The following CCSER1 variants were observed in gnomAD, a reference collection of about 807,000 sequenced individuals.
The protein encoded by CCSER1 is serine-rich coiled-coil domain-containing protein 1.
Under a neutral mutation model 82.0 loss-of-function variants are expected in CCSER1, and 41 were observed. The observed-to-expected ratio is 0.50, with a 90% confidence interval of 0.39 to 0.65. The LOEUF (loss-of-function observed/expected upper bound fraction) is 0.65. Ranked by LOEUF, CCSER1 falls within the 30% of genes least tolerant of loss-of-function variation. CCSER1 has a pLI of 0.00. For missense variants in CCSER1, 1,119 were observed against 1,064.2 expected, an observed-to-expected ratio of 1.05 and a Z score of -0.72; for synonymous variants, 414 against 383.9, an observed-to-expected ratio of 1.08 and a Z score of -0.92.
intron 5 of CCSER1, among the ~76,000 whole-genome samples, chr4:90,531,907 A>G (rs1405837235): frequency 2.0e-5 from 3 of 152,180 alleles, no homozygotes; most frequent in Non-Finnish European, 4.4e-5. Context: ...AACAGTTTGT[A>G]TCAAATGATT....
intron 9 of CCSER1, among the ~76,000 whole-genome samples, chr4:91,019,193 A>C (rs1307756473): frequency 6.6e-6 from 1 of 151,838 alleles, no homozygotes; most frequent in Non-Finnish European, 1.5e-5. Context: ...TCTCATTTTT[A>C]GAACAAGTTA....
At chr4:90,137,482 C>T (rs1023117092) in intron 1 of CCSER1, among the ~76,000 whole-genome samples, 1 of 152,118 alleles carries the variant, frequency 6.6e-6, no homozygotes, top group African/African-American at 2.4e-5. Flanking sequence ...AGAGTGGTAA[C>T]TATCCAGTGA....
intron 10 of CCSER1, among the ~76,000 whole-genome samples, chr4:91,517,669 CA>C (rs1279029144): frequency 2.9e-5 from 3 of 104,262 alleles, no homozygotes; most frequent in African/African-American, 1.2e-4. Context: ...GAAACTAGTG[CA>C]TTCATTTGGA....
chr4:90,315,662 C>CA (rs1736046448), intron 3 of CCSER1, among the ~76,000 whole-genome samples: 1 of 152,022 alleles, frequency 6.6e-6, no homozygotes, highest in Non-Finnish European at 1.5e-5. Flanking sequence ...TGCCACCATG[C>CA]CTGCCTAATT....
intron 1 of CCSER1, among the ~76,000 whole-genome samples, chr4:90,198,245 C>A (rs1294919471): frequency 6.6e-6 from 1 of 151,954 alleles, no homozygotes; most frequent in African/African-American, 2.4e-5. Flanking sequence ...AAGTTCCTTT[C>A]TTTTTCTAAT....
intron 6 of CCSER1, among the ~76,000 whole-genome samples, chr4:90,652,458 T>G (rs959522654): frequency 6.6e-6 from 1 of 152,150 alleles, no homozygotes; most frequent in Non-Finnish European, 1.5e-5. Flanking sequence ...AGTGGTCTGT[T>G]TGCATGTGTT....
At chr4:91,040,290 T>A (rs1741850005) in intron 9 of CCSER1, among the ~76,000 whole-genome samples, 1 of 152,204 alleles carries the variant, frequency 6.6e-6, no homozygotes, top group Admixed American at 6.5e-5. Context: ...CCCTTTAATT[T>A]AAAAATGTGA....
chr4:90,874,246 G>C (rs2150043717), intron 8 of CCSER1, among the ~76,000 whole-genome samples: 1 of 152,128 alleles, frequency 6.6e-6, no homozygotes, highest in East Asian at 1.9e-4. Context: ...ATTTTCTTAT[G>C]GTATGATTTC....
intron 10 of CCSER1, among the ~76,000 whole-genome samples, chr4:91,521,538 T>C (rs1578685709): frequency 6.6e-6 from 1 of 152,114 alleles, no homozygotes; most frequent in Non-Finnish European, 1.5e-5. Flanking sequence ...CTCTCCACCA[T>C]CTGTTGTTTC....
chr4:91,130,780 A>G (rs1023888373), intron 10 of CCSER1, among the ~76,000 whole-genome samples: 2 of 151,868 alleles, frequency 1.3e-5, no homozygotes, highest in African/African-American at 4.8e-5. Context: ...GGAAATAACC[A>G]ATTATCTTAC....
intron 10 of CCSER1, among the ~76,000 whole-genome samples, chr4:91,394,909 T>C (rs1302946258): frequency 6.6e-6 from 1 of 151,916 alleles, no homozygotes; most frequent in Admixed American, 6.6e-5. Flanking sequence ...ACATCCTCTG[T>C]GATAAATTAA....
chr4:90,972,883 A>G lies in CCSER1; in HGVS notation c.2172+49436A>G, dbSNP rs189831407. On this transcript the variant is annotated intron_variant, in intron 9 of 10. Transcript: ENST00000509176. The stretch of plus-strand genomic sequence containing the variant: ...ATTTGTAGTCAACTGATCTTTGACA[A>G]AAGTCCCAAAAGCATACAATGGGGG... Among the ~76,000 whole-genome samples, 469 of 151,964 alleles carry G rather than the reference A, an allele frequency of 3.1e-3. 3 individuals carry two copies. Among genetic ancestry groups the G allele is most frequent in the Non-Finnish European group, 5.2e-3 (351 of 67,890 alleles).
chr4:91,596,910 A>G (rs1247899600), intron 10 of CCSER1, among the ~76,000 whole-genome samples: 1 of 152,012 alleles, frequency 6.6e-6, no homozygotes, highest in Non-Finnish European at 1.5e-5. Flanking sequence ...TCAAGACAAT[A>G]AAAAGGAAAG....
intron 10 of CCSER1, among the ~76,000 whole-genome samples, chr4:91,577,660 G>A (rs1041109792): frequency 6.6e-6 from 1 of 151,860 alleles, no homozygotes; most frequent in Non-Finnish European, 1.5e-5. Flanking sequence ...TCCGTTAAGC[G>A]ATACTTGAGA....
At chr4:90,472,359 G>C (rs1444407784) in intron 5 of CCSER1, among the ~76,000 whole-genome samples, 3 of 152,098 alleles carry the variant, frequency 2.0e-5, no homozygotes, top group Non-Finnish European at 4.4e-5. Flanking sequence ...GTTATATTCT[G>C]ATGATAAATA....
At chr4:91,296,039 T>C (rs1185642193) in intron 10 of CCSER1, among the ~76,000 whole-genome samples, 3 of 151,898 alleles carry the variant, frequency 2.0e-5, no homozygotes, top group African/African-American at 7.2e-5. Flanking sequence ...AATGAAATAT[T>C]GAAGTCATTC....
intron 9 of CCSER1, among the ~76,000 whole-genome samples, chr4:91,067,598 G>T (rs970145796): frequency 1.3e-5 from 2 of 151,054 alleles, no homozygotes; most frequent in African/African-American, 4.9e-5. Context: ...TTCCACCTCA[G>T]TCTCCCACAG....
At chr4:91,233,242 T>C (rs1738759353) in intron 10 of CCSER1, among the ~76,000 whole-genome samples, 2 of 151,940 alleles carry the variant, frequency 1.3e-5, no homozygotes, top group African/African-American at 4.8e-5. Flanking sequence ...TACTCACTTA[T>C]TGATTAAACT....
At chr4:90,168,301 T>C (rs201081324) in intron 1 of CCSER1, among the ~76,000 whole-genome samples, 47,032 of 151,644 alleles carry the variant, frequency 0.31, 8,540 homozygotes, top group East Asian at 0.64. Flanking sequence ...TCATATCCTT[T>C]GCCCACTTTT....
Sources: allele counts gnomAD v4.1 joint callset (sites outside exome capture counted in the v4.1 genomes callset), GRCh38; gene constraint gnomAD v4.1.1; transcripts MANE v1.5; gene names NCBI Gene and HGNC (gene_info 2026-07-23, HGNC 2026-07-21).